Variants in KAT5 observed in about 807,000 individuals in gnomAD.
KAT5 encodes the protein histone acetyltransferase KAT5.
In KAT5, 31 loss-of-function variants were observed where a neutral mutation model predicts 68.1. That is an observed-to-expected ratio of 0.46 (90% CI 0.34 to 0.61). KAT5 has a LOEUF of 0.61. Among genes scored for constraint, KAT5 ranks in the 20% least tolerant of loss-of-function variants. The pLI, the probability that KAT5 is intolerant of heterozygous loss-of-function variation, is 0.01. For synonymous variants in KAT5, 365 were observed against 292.6 expected (o/e 1.25, Z -2.52); for missense variants, 451 against 725.5 (o/e 0.62, Z 4.35).
At position 65,719,270 on chromosome 11, in the gene KAT5, C is replaced by G; in HGVS notation, c.*89C>G. ...CCCACTGCAGCTCCCACAAAGCACT[C>G]TAAGGGAGATGGGGCTGAGGACAGC... is the stretch of plus-strand genomic sequence containing the variant. On this transcript the variant is annotated 3_prime_UTR_variant, in exon 13 of 13. Transcript: ENST00000341318. 1 of 1,470,186 alleles carries G rather than the reference C, an allele frequency of 6.8e-7. No homozygotes were observed. Among genetic ancestry groups the G allele is most frequent in the Non-Finnish European group, 9.3e-7 (1 of 1,076,928 alleles). The allele number at this position is 1,470,186 out of a possible 1,614,324, so 91.1% of individuals were successfully genotyped here. A position where few individuals can be genotyped will look rare whatever the true frequency, so the allele number is the denominator to read the frequency against.
At position 65,716,918 on chromosome 11, in the gene KAT5, G is replaced by T; in HGVS notation, c.1200G>T (p.Val400=). The change falls in exon 10 of 13, where the codon GTG becomes GTT. Residue 400 remains valine, a synonymous_variant. Coordinates refer to ENST00000341318, the MANE Select transcript of KAT5 (RefSeq NM_182710.3). ...AAGAATCAACGGAAGACTACAATGT[G>T]GCCTGCATCCTAACCCTGCCTCCCT... ...KEKESTEDYN[V]ACILTLPPYQ... 7 of 1,614,124 alleles carry T rather than the reference G, an allele frequency of 4.3e-6. No homozygotes were observed. The highest frequency in any genetic ancestry group is 5.9e-6 in the Non-Finnish European group (7 of 1,179,998).
chr11:65,715,848 A>G (rs1377265259), intron 8 of KAT5: 2 of 152,062 alleles, frequency 1.3e-5, no homozygotes, highest in African/African-American at 2.4e-5. Flanking sequence ...AGGTGGGCCA[A>G]TCACTTGAGC....
At chr11:65,713,207 C>A in intron 3 of KAT5, 141 bp from the exon 4 acceptor site, 1 of 1,311,450 alleles carries the variant, frequency 7.6e-7, no homozygotes, top group South Asian at 1.3e-5. Flanking sequence ...ACATGTAGCT[C>A]CCAGAGTCCA....
At position 65,712,745 on chromosome 11, in the gene KAT5, C is replaced by G. The variant is rs189328094; in HGVS notation, c.179-21C>G. The G allele has an allele frequency of 4.8e-5, 78 of 1,613,850 alleles. No individual in the cohort carries two copies. The African/African-American group carries it at 9.9e-4, about 20-fold the overall frequency. On this transcript the variant is annotated intron_variant, in intron 1 of 12. Transcript: ENST00000341318. ...TCATAGCCTGGCCTGTCTAAGGCCC[C>G]TGTCTATGCTATTCTCATAGCCCTG...
In KAT5 at chr11:65,718,889, A is replaced by G. The variant is rs1251064240; in HGVS notation, c.1441A>G (p.Thr481Ala). 4 of 1,614,162 alleles carry G rather than the reference A, an allele frequency of 2.5e-6. 1 individual carries two copies. The South Asian group carries it at 4.4e-5, about 18-fold the overall frequency. ...QITINEISEI[T>A]SIKKEDVIST... is the part of the protein sequence containing the mutation. The stretch of plus-strand genomic sequence containing the variant: ...CTCCCACAGTGAGATTAGTGAAATC[A>G]CCAGCATCAAGAAGGAGGATGTCAT... The change falls in exon 12 of 13, where the codon ACC (threonine) becomes GCC (alanine). Residue 481 changes from threonine to alanine, a missense_variant. Thr to Ala is a moderately conservative substitution (Grantham distance 58). This residue lies in a region of KAT5 where 210 missense variants were observed against 423.7 expected (regional missense o/e 0.50). Transcript: ENST00000341318.
Position 65,712,780 on chromosome 11 carries a change from C to T in KAT5, c.193C>T (p.Leu65=), listed in dbSNP as rs757110923. ...TATTCTCATAGCCCTGGCCGAGATC[C>T]TGAGCGTGAAGGACATCAGTGGCCG... The part of the protein sequence containing the change: ...NEDEWPLAEI[L]SVKDISGRKL... The change falls in exon 2 of 13, where the codon CTG becomes TTG. Residue 65 remains leucine, a synonymous_variant. Transcript: ENST00000341318. The T allele has an allele frequency of 1.9e-6, 3 of 1,614,084 alleles. No homozygotes were observed. Among genetic ancestry groups the T allele is most frequent in the African/African-American group, 1.3e-5 (1 of 75,004 alleles).
At chr11:65,714,361 G>A (rs771599349) in intron 6 of KAT5, 134 bp from the exon 7 acceptor site, 3 of 1,019,802 alleles carry the variant, frequency 2.9e-6, no homozygotes, top group Non-Finnish European at 4.3e-6. Context: ...TTTTTTATCT[G>A]GAAATTGGGG....
rs1306315971 is a variant in KAT5 at position 65,717,002 on chromosome 11, C to A, written c.1264+20C>A. 1.3e-6 allele frequency: 2 copies of A among 1,586,424 alleles called. No individual in the cohort carries two copies. Among genetic ancestry groups the A allele is most frequent in the Admixed American group, 3.3e-5 (2 of 59,970 alleles). The stretch of plus-strand genomic sequence containing the variant: ...AGTTCAGTGAGTATGTGTGCTGCGG[C>A]CAGGGGGTAGTGGACCCACTATCGG... On this transcript the variant is annotated intron_variant, in intron 10 of 12. Coordinates refer to ENST00000341318, the MANE Select transcript of KAT5 (RefSeq NM_182710.3).
chr11:65,717,104 C>A, intron 10 of KAT5, 122 bp downstream of exon 10: 1 of 735,182 alleles, frequency 1.4e-6, no homozygotes, highest in Non-Finnish European at 2.4e-6. Context: ...GGGAACCAGC[C>A]AGAAATAACA....
chr11:65,712,645 C>T lies in KAT5; in HGVS notation c.179-121C>T, dbSNP rs1277107591. ...GGGTGGCACTTGTGACTGAAGGAGG[C>T]TTAGGAGAGACCTAAGTGCTGGAGC... is the stretch of plus-strand genomic sequence containing the variant. On this transcript the variant is annotated intron_variant, in intron 1 of 12. Coordinates refer to ENST00000341318, the MANE Select transcript of KAT5 (RefSeq NM_182710.3). 9 of 1,322,558 alleles carry T rather than the reference C, an allele frequency of 6.8e-6. No homozygotes were observed. In the East Asian group the frequency reaches 1.6e-4, roughly 24 times the overall value. 81.9% of individuals were successfully genotyped at this position (1,322,558 alleles called of 1,614,324 possible). A position where few individuals can be genotyped will look rare whatever the true frequency, so the allele number is the denominator to read the frequency against.
intron 10 of KAT5, chr11:65,718,237 C>T: frequency 4.6e-6 from 1 of 215,120 alleles, no homozygotes; most frequent in South Asian, 9.0e-5. Context: ...CCTTACATGG[C>T]TAGACACAGA....
At chr11:65,712,859 C>T in intron 2 of KAT5, 25 bp downstream of exon 2, 1 of 1,614,016 alleles carries the variant, frequency 6.2e-7, no homozygotes, top group Non-Finnish European at 8.5e-7. Context: ...TGAGGTGGGG[C>T]ATCAGGGTAG....
At position 65,713,331 on chromosome 11, in the gene KAT5, T is replaced by C. The variant is rs970700971; in HGVS notation, c.385-17T>C. Reference sequence around the variant, plus strand: ...CCATCCCCGCCCCAAAGGAAGACCCTGGACCTATCTCTACAGCCGGCCTCG... The same window carrying C: ...CCATCCCCGCCCCAAAGGAAGACCCCGGACCTATCTCTACAGCCGGCCTCG... On this transcript the variant is annotated splice_polypyrimidine_tract_variant and intron_variant, in intron 3 of 12. Coordinates refer to ENST00000341318, the MANE Select transcript of KAT5 (RefSeq NM_182710.3). 7.4e-6 allele frequency: 12 copies of C among 1,613,444 alleles called. No homozygotes were observed. Among genetic ancestry groups the C allele is most frequent in the Admixed American group, 5.0e-5 (3 of 59,978 alleles).
chr11:65,717,398 G>C (rs916293081), intron 10 of KAT5: 1 of 271,604 alleles, frequency 3.7e-6, no homozygotes, highest in African/African-American at 2.2e-5. Context: ...CCAAAATGCT[G>C]TCAGCAGATA....
chr11:65,713,877 T>G (rs1857111530), intron 6 of KAT5, 29 bp downstream of exon 6: 3 of 1,550,874 alleles, frequency 1.9e-6, no homozygotes, highest in African/African-American at 2.7e-5. Context: ...AGAAGGGAAC[T>G]GGGTGAAAAG....
At chr11:65,715,757 T>TA (rs1171726385) in intron 8 of KAT5, among the ~76,000 whole-genome samples, 57 of 144,560 alleles carry the variant, frequency 3.9e-4, no homozygotes, top group Middle Eastern at 8.7e-3. Flanking sequence ...AGACTTCGTG[T>TA]AAAAAAAATA....
intron 6 of KAT5, 82 bp downstream of exon 6, chr11:65,713,930 T>G (rs534122889): frequency 2.5e-5 from 32 of 1,291,196 alleles, no homozygotes; most frequent in Non-Finnish European, 3.5e-5. Context: ...GTGATGAGTT[T>G]AAAAATAAAG....
intron 3 of KAT5, 138 bp from the exon 4 acceptor site, chr11:65,713,210 A>C (rs1857083219): frequency 3.1e-6 from 4 of 1,298,172 alleles, no homozygotes; most frequent in African/African-American, 1.5e-5. Flanking sequence ...TGTAGCTCCC[A>C]GAGTCCAGTA....
chr11:65,719,464 G>C lies in KAT5; in HGVS notation c.*283G>C, dbSNP rs1857323558. 1.7e-6 allele frequency: 1 copy of C among 604,072 alleles called. No individual in the cohort carries two copies. 37.4% of individuals were successfully genotyped at this position (604,072 alleles called of 1,614,324 possible). A position where few individuals can be genotyped will look rare whatever the true frequency, so the allele number is the denominator to read the frequency against. On this transcript the variant is annotated 3_prime_UTR_variant, in exon 13 of 13. Coordinates refer to ENST00000341318, the MANE Select transcript of KAT5 (RefSeq NM_182710.3). ...GTACAGTGAGAAGGGATCCGGATGG[G>C]GGAGCTCTGTACAGAGGGCTGGTGA... is the stretch of plus-strand genomic sequence containing the variant.
Sources: gnomAD v4.1 joint callset for allele counts (sites outside exome capture counted in the v4.1 genomes callset) on GRCh38, gnomAD v4.1.1 for gene constraint, gnomAD v4.1.1 regional missense constraint, MANE v1.5 for transcripts, NCBI Gene and HGNC (gene_info 2026-07-23, HGNC 2026-07-21) for gene names.